Variants in ASPH observed in about 807,000 individuals in gnomAD.
The protein encoded by ASPH is aspartate beta-hydroxylase, also known as aspartyl/asparaginyl beta-hydroxylase.
Under a neutral mutation model 118.4 loss-of-function variants are expected in ASPH, and 100 were observed. That is an observed-to-expected ratio of 0.84 (90% CI 0.72 to 1.00). The LOEUF is 1.00. Among genes scored for constraint, ASPH ranks in the 50% least tolerant of loss-of-function variants. The pLI is 0.00. For missense variants in ASPH, 920 were observed against 919.5 expected (o/e 1.00, Z -0.01); for synonymous variants, 315 against 325.6 (o/e 0.97, Z 0.35).
At chr8:61,514,100 C>G (rs566897983) in intron 24 of ASPH, among the ~76,000 whole-genome samples, 2 of 151,900 alleles carry the variant, frequency 1.3e-5, no homozygotes, top group East Asian at 3.9e-4. Flanking sequence ...GGTGATCCTC[C>G]TGCCTCAGCC....
intron 14 of ASPH, among the ~76,000 whole-genome samples, chr8:61,615,725 T>G (rs1848793843): frequency 6.6e-6 from 1 of 152,218 alleles, no homozygotes; most frequent in Non-Finnish European, 1.5e-5. Flanking sequence ...ATCGCAATTT[T>G]ATCTAAAACA....
chr8:61,644,125 A>T, intron 7 of ASPH, 124 bp from the exon 8 acceptor site: 1 of 766,886 alleles, frequency 1.3e-6, no homozygotes, highest in South Asian at 1.7e-5. Flanking sequence ...ATGATATTCA[A>T]ACATGTTCAC....
intron 14 of ASPH, among the ~76,000 whole-genome samples, chr8:61,612,990 T>C (rs1433562114): frequency 1.3e-5 from 2 of 152,162 alleles, no homozygotes; most frequent in Admixed American, 1.3e-4. Context: ...GGGGCAAGAA[T>C]GAAAGGGAAG....
chr8:61,665,157 T>A, intron 3 of ASPH: 2 of 1,495,990 alleles, frequency 1.3e-6, no homozygotes, highest in Non-Finnish European at 1.8e-6. Context: ...TTACACACCC[T>A]CACCAATCAG....
chr8:61,535,227 T>C (rs1394067306), intron 21 of ASPH, among the ~76,000 whole-genome samples: 2 of 152,218 alleles, frequency 1.3e-5, no homozygotes, highest in Non-Finnish European at 2.9e-5. Context: ...ATAACACTTA[T>C]ATAGCTTCAA....
At chr8:61,570,753 C>T (rs1260911545) in intron 16 of ASPH, among the ~76,000 whole-genome samples, 2 of 152,320 alleles carry the variant, frequency 1.3e-5, no homozygotes, top group East Asian at 3.9e-4. Context: ...ATATTTGTTA[C>T]AGGATGTTAA....
intron 21 of ASPH, among the ~76,000 whole-genome samples, chr8:61,545,897 A>C (rs2130795793): frequency 6.6e-6 from 1 of 152,300 alleles, no homozygotes; most frequent in East Asian, 1.9e-4. Context: ...AAATTGGCTC[A>C]ATAAGACTGA....
chr8:61,541,467 A>G (rs1016704451), intron 21 of ASPH, among the ~76,000 whole-genome samples: 12 of 152,240 alleles, frequency 7.9e-5, no homozygotes. Context: ...GCAGCTACTA[A>G]ATCTAGAGGG....
rs1314108590 is a variant in ASPH at position 61,676,063 on chromosome 8, C to A, written c.322+4905G>T. The A allele has an allele frequency of 2.5e-6, 4 of 1,598,824 alleles. No individual in the cohort carries two copies. The East Asian group carries it at 6.7e-5, about 27-fold the overall frequency. ...TGTTCATTAGCCAATGACTTCAGTC[C>A]CTGAATCAAGGTTACTGGTTATGTA... is the stretch of plus-strand genomic sequence containing the variant. On this transcript the variant is annotated intron_variant, in intron 3 of 24. Coordinates refer to ENST00000379454, the MANE Select transcript of ASPH (RefSeq NM_004318.4).
At chr8:61,651,812 T>G (rs1052528488) in intron 4 of ASPH, among the ~76,000 whole-genome samples, 2 of 152,234 alleles carry the variant, frequency 1.3e-5, no homozygotes, top group Non-Finnish European at 2.9e-5. Flanking sequence ...ATCAGATTAT[T>G]AGACTTAACT....
chr8:61,629,972 T>C (rs1345908704), intron 13 of ASPH, among the ~76,000 whole-genome samples: 1 of 152,184 alleles, frequency 6.6e-6, no homozygotes, highest in Non-Finnish European at 1.5e-5. Flanking sequence ...ATGGAGGTAA[T>C]GGCATATCTA....
chr8:61,580,470 T>C (rs946523210), intron 15 of ASPH, among the ~76,000 whole-genome samples: 1 of 152,238 alleles, frequency 6.6e-6, no homozygotes, highest in Non-Finnish European at 1.5e-5. Context: ...TATTGAAATC[T>C]GTGTTACTCT....
intron 3 of ASPH, among the ~76,000 whole-genome samples, chr8:61,655,499 C>T (rs1287299001): frequency 6.6e-6 from 1 of 152,148 alleles, no homozygotes; most frequent in East Asian, 1.9e-4. Context: ...AAACTGTGTT[C>T]CGTGTGTTAT....
In ASPH at chr8:61,501,319, CTT is replaced by C. The variant is rs1804885266; in HGVS notation, c.*2038_*2039del. 1 of 152,134 alleles carries C rather than the reference CTT, an allele frequency of 6.6e-6. No individual in the cohort carries two copies. Among genetic ancestry groups the C allele is most frequent in the African/African-American group, 2.4e-5 (1 of 41,456 alleles). The allele number at this position is 152,134 out of a possible 1,614,324, so 9.4% of individuals were successfully genotyped here. A position where few individuals can be genotyped will look rare whatever the true frequency, so the allele number is the denominator to read the frequency against. On this transcript the variant is annotated 3_prime_UTR_variant, in exon 25 of 25. Coordinates refer to ENST00000379454, the MANE Select transcript of ASPH (RefSeq NM_004318.4). The stretch of plus-strand genomic sequence containing the variant: ...CTATTGGAGTCAATTATTGACAACA[CTT>C]TGCAACAGTAATACCATTTCTAGCT...
At chr8:61,633,781 A>T (rs1856615756) in intron 12 of ASPH, 54 bp from the exon 13 acceptor site, 1 of 1,251,384 alleles carries the variant, frequency 8.0e-7, no homozygotes, top group African/African-American at 1.5e-5. Flanking sequence ...CAGTGTTTAA[A>T]ATATGCGTTG....
intron 12 of ASPH, 31 bp downstream of exon 12, chr8:61,637,916 A>T (rs1173043991): frequency 6.3e-7 from 1 of 1,577,012 alleles, no homozygotes; most frequent in Admixed American, 1.7e-5. Context: ...CTCATATGGA[A>T]GGTAAAACCA....
At chr8:61,524,009 G>T (rs1038390582) in intron 22 of ASPH, among the ~76,000 whole-genome samples, 12 of 152,148 alleles carry the variant, frequency 7.9e-5, no homozygotes, top group African/African-American at 2.9e-4. Context: ...TTGAGGCCAG[G>T]AGTTGGAGCT....
chr8:61,689,718 T>C (rs1832040223), intron 1 of ASPH: 1 of 1,568,834 alleles, frequency 6.4e-7, no homozygotes, highest in Non-Finnish European at 8.7e-7. Context: ...GAATAATAAA[T>C]GCTAAAGTAA....
chr8:61,591,280 A>C (rs1414361019), intron 14 of ASPH, among the ~76,000 whole-genome samples: 1 of 152,244 alleles, frequency 6.6e-6, no homozygotes, highest in Non-Finnish European at 1.5e-5. Flanking sequence ...CTTTTAAAAA[A>C]TGAGAAAATT....
Sources: allele counts gnomAD v4.1 joint callset (sites outside exome capture counted in the v4.1 genomes callset), GRCh38; gene constraint gnomAD v4.1.1; transcripts MANE v1.5; gene names NCBI Gene and HGNC (gene_info 2026-07-23, HGNC 2026-07-21).